KBTBD13: variants seen among roughly 807,000 people sequenced by gnomAD.
The protein encoded by KBTBD13 is kelch repeat and BTB domain containing 13, also known as kelch repeat and BTB domain-containing protein 13.
Under a neutral mutation model 25.4 loss-of-function variants are expected in KBTBD13, and 32 were observed. The ratio of observed to expected loss-of-function variants is 1.26; its 90% CI spans 0.95 to 1.69. The LOEUF (loss-of-function observed/expected upper bound fraction) is 1.69, where lower values mean the gene tolerates loss of function less well. Ranked by LOEUF, KBTBD13 falls within the 40% of genes most tolerant of loss-of-function variation. The pLI is 0.00. For missense variants in KBTBD13, 898 were observed against 679.5 expected (o/e 1.32, Z -3.57); for synonymous variants, 436 against 329.8 (o/e 1.32, Z -3.49).
At position 65,077,944 on chromosome 15, in the gene KBTBD13, G is replaced by T; in HGVS notation, c.1129G>T (p.Gly377Cys). 1 of 1,611,804 alleles carries T rather than the reference G, an allele frequency of 6.2e-7. No individual in the cohort carries two copies. The highest frequency in any genetic ancestry group is 8.5e-7 in the Non-Finnish European group (1 of 1,179,794). ...CATCGACTGTCTCAACCTGGCCACG[G>T]GCCAGTGGACGGCGCTGCCCGGCCA... is the stretch of plus-strand genomic sequence containing the variant. ...CAIDCLNLAT[G>C]QWTALPGQFV... is the part of the protein sequence containing the mutation. The change falls in exon 1 of 1, where the codon GGC (glycine) becomes TGC (cysteine). Residue 377 changes from glycine to cysteine, a missense_variant. Coordinates refer to ENST00000432196, the MANE Select transcript of KBTBD13 (RefSeq NM_001101362.3).
chr15:65,076,805 G>A lies in KBTBD13; in HGVS notation c.-11G>A, dbSNP rs987034885. 2.6e-6 allele frequency: 4 copies of A among 1,513,688 alleles called. No individual in the cohort carries two copies. The highest frequency in any genetic ancestry group is 3.5e-6 in the Non-Finnish European group (4 of 1,131,880). 93.8% of individuals were successfully genotyped at this position (1,513,688 alleles called of 1,614,324 possible). On this transcript the variant is annotated 5_prime_UTR_variant, in exon 1 of 1. Coordinates refer to ENST00000432196, the MANE Select transcript of KBTBD13 (RefSeq NM_001101362.3). ...AGGCCCCAGCGGCAGCCTCCGCCCG[G>A]CCAGCTCGCCATGGCACGGGGTCCA... is the stretch of plus-strand genomic sequence containing the variant.
Position 65,077,785 on chromosome 15 carries a change from G to T in KBTBD13, c.970G>T (p.Ala324Ser), listed in dbSNP as rs1216341966. ...CGACACCACCGCCGTGGTGGAGTAC[G>T]CAGTGCGGACCGACGCGTGGCTGCC... Reference protein sequence around the residue: ...PADTTAVVEYAVRTDAWLPVA... With the variant: ...PADTTAVVEYSVRTDAWLPVA... Residue 324 changes from alanine (A) to serine (S), a missense_variant, in exon 1 of 1, where the codon GCA (alanine) becomes TCA (serine). Coordinates refer to ENST00000432196, the MANE Select transcript of KBTBD13 (RefSeq NM_001101362.3). 6.3e-7 allele frequency: 1 copy of T among 1,588,520 alleles called. No homozygotes were observed.
chr15:65,078,064 G>T lies in KBTBD13; in HGVS notation c.1249G>T (p.Glu417Ter). The change falls in exon 1 of 1, where the codon GAG (glutamate) becomes TAG (stop). Residue 417 changes from glutamate to a stop codon, truncating the protein, a stop_gained. Transcript: ENST00000432196. LOFTEE classifies it high-confidence loss of function. ...NRMFTLLYAI[E>*]GGTWRLLREK... is the part of the protein sequence containing the mutation. ...CATGTTCACGCTGCTCTACGCCATC[G>T]AGGGCGGCACCTGGCGGCTGCTCAG... The T allele has an allele frequency of 6.2e-7, 1 of 1,600,328 alleles. No individual in the cohort carries two copies. Among genetic ancestry groups the T allele is most frequent in the Non-Finnish European group, 8.5e-7 (1 of 1,178,844 alleles).
Position 65,077,361 on chromosome 15 carries a change from G to A in KBTBD13, c.546G>A (p.Glu182=), listed in dbSNP as rs1336998638. The change falls in exon 1 of 1, where the codon GAG becomes GAA. Residue 182 remains glutamate (E), a synonymous_variant. Coordinates refer to ENST00000432196, the MANE Select transcript of KBTBD13 (RefSeq NM_001101362.3). ...DASRTLCYLD[E]EEDAWRTLAA... Reference sequence around the variant, plus strand: ...CGCGCACGCTGTGTTACCTGGACGAGGAAGAGGACGCGTGGCGCACGCTGG... The same window carrying A: ...CGCGCACGCTGTGTTACCTGGACGAAGAAGAGGACGCGTGGCGCACGCTGG... 2 of 1,502,072 alleles carry A rather than the reference G, an allele frequency of 1.3e-6. No individual in the cohort carries two copies. The highest frequency in any genetic ancestry group is 2.1e-5 in the Admixed American group (1 of 47,828). 93.0% of individuals were successfully genotyped at this position (1,502,072 alleles called of 1,614,324 possible).
In KBTBD13 at chr15:65,077,600, C is replaced by T. The variant is rs1345583118; in HGVS notation, c.785C>T (p.Ala262Val). Residue 262 changes from alanine (A) to valine (V), a missense_variant, in exon 1 of 1, where the codon GCC (alanine) becomes GTC (valine). By Grantham distance (64) the Ala-to-Val change is moderately conservative (BLOSUM62 0). Coordinates refer to ENST00000432196, the MANE Select transcript of KBTBD13 (RefSeq NM_001101362.3). ...GCCGGCTTCGACGGCCGCCTCTACG[C>T]CATCGGCGGCGAATTCCAGAGGACG... is the stretch of plus-strand genomic sequence containing the variant. Reference protein sequence around the residue: ...ALAGFDGRLYAIGGEFQRTPI... With the variant: ...ALAGFDGRLYVIGGEFQRTPI... 1 of 1,576,496 alleles carries T rather than the reference C, an allele frequency of 6.3e-7. No homozygotes were observed. Among genetic ancestry groups the T allele is most frequent in the African/African-American group, 1.3e-5 (1 of 74,186 alleles).
rs1055728120 is a variant in KBTBD13 at position 65,079,908 on chromosome 15, A to G, written c.*1716A>G. Among the ~76,000 whole-genome samples, 1 of 152,178 alleles carries G rather than the reference A, an allele frequency of 6.6e-6. No individual in the cohort carries two copies. Among genetic ancestry groups the G allele is most frequent in the Non-Finnish European group, 1.5e-5 (1 of 68,032 alleles). On this transcript the variant is annotated 3_prime_UTR_variant, in exon 1 of 1. Coordinates refer to ENST00000432196, the MANE Select transcript of KBTBD13 (RefSeq NM_001101362.3). Reference sequence around the variant, plus strand: ...TCCAGCCCTGGAGTAGCCTAGTCTGATAAGTCTCAACAATAAACCCTGACT... The same window carrying G: ...TCCAGCCCTGGAGTAGCCTAGTCTGGTAAGTCTCAACAATAAACCCTGACT...
At position 65,076,934 on chromosome 15, in the gene KBTBD13, T is replaced by A; in HGVS notation, c.119T>A (p.Met40Lys). Reference protein sequence around the residue: ...GFFRGLFRSGMRETRAAEVRL... With the variant: ...GFFRGLFRSGKRETRAAEVRL... Reference sequence around the variant, plus strand: ...TTCCGAGGCCTCTTCCGCTCCGGCATGCGGGAGACCCGCGCAGCAGAGGTG... The same window carrying A: ...TTCCGAGGCCTCTTCCGCTCCGGCAAGCGGGAGACCCGCGCAGCAGAGGTG... The change falls in exon 1 of 1, where the codon ATG (methionine) becomes AAG (lysine). Residue 40 changes from methionine to lysine, a missense_variant. Transcript: ENST00000432196. The A allele has an allele frequency of 6.4e-7, 1 of 1,557,276 alleles. No individual in the cohort carries two copies. The highest frequency in any genetic ancestry group is 8.6e-7 in the Non-Finnish European group (1 of 1,159,130).
In KBTBD13 at chr15:65,077,716, G is replaced by T. The variant is rs540070816; in HGVS notation, c.901G>T (p.Ala301Ser). The change falls in exon 1 of 1, where the codon GCC becomes TCC. Residue 301 changes from alanine to serine, a missense_variant. Physicochemically the swap from Ala to Ser is moderately conservative, Grantham distance 99 (BLOSUM62 1). Coordinates refer to ENST00000432196, the MANE Select transcript of KBTBD13 (RefSeq NM_001101362.3). ...GCAGCCGGCCGCCGGCGTGCCCTGC[G>T]CCCAGGCTTGTGGCCGTCTCTTCGT... Reference protein sequence around the residue: ...LPQPAAGVPCAQACGRLFVCL... With the variant: ...LPQPAAGVPCSQACGRLFVCL... The T allele has an allele frequency of 1.3e-6, 2 of 1,585,644 alleles. No individual in the cohort carries two copies. The highest frequency in any genetic ancestry group is 1.7e-6 in the Non-Finnish European group (2 of 1,171,016).
chr15:65,077,142 G>T lies in KBTBD13; in HGVS notation c.327G>T (p.Leu109=). Reference sequence around the variant, plus strand: ...TCACGTCGGACAACTGCGCATTGCTGTGCGACGCGGCCGCCGCCTTCGGCC... The same window carrying T: ...TCACGTCGGACAACTGCGCATTGCTTTGCGACGCGGCCGCCGCCTTCGGCC... ...HNLTSDNCAL[L]CDAAAAFGLR... is the part of the protein sequence containing the mutation. The change falls in exon 1 of 1, where the codon CTG becomes CTT. Residue 109 remains leucine, a synonymous_variant. Transcript: ENST00000432196. 6.6e-7 allele frequency: 1 copy of T among 1,515,642 alleles called. No homozygotes were observed. 93.9% of individuals were successfully genotyped at this position (1,515,642 alleles called of 1,614,324 possible).
Position 65,077,081 on chromosome 15 carries a change from A to G in KBTBD13, c.266A>G (p.Gln89Arg), listed in dbSNP as rs1460367454. The change falls in exon 1 of 1, where the codon CAG becomes CGG. Residue 89 changes from glutamine (Q) to arginine (R), a missense_variant. Transcript: ENST00000432196. ...GCCGTGGAGTGCGCCGCCTTCCTCC[A>G]GGCGCCGGCGCTGGCTCGCTTTCTG... The part of the protein sequence containing the change: ...LQAVECAAFL[Q>R]APALARFLEH... 2.6e-5 allele frequency: 40 copies of G among 1,515,474 alleles called. No homozygotes were observed. The highest frequency in any genetic ancestry group is 3.4e-5 in the Non-Finnish European group (38 of 1,134,024). The allele number at this position is 1,515,474 out of a possible 1,614,324, so 93.9% of individuals were successfully genotyped here.
In KBTBD13 at chr15:65,076,788, G is replaced by T; in HGVS notation, c.-28G>T. ...GGTGGCTGGCTAACCCAAGGCCCCA[G>T]CGGCAGCCTCCGCCCGGCCAGCTCG... On this transcript the variant is annotated 5_prime_UTR_variant, in exon 1 of 1. Coordinates refer to ENST00000432196, the MANE Select transcript of KBTBD13 (RefSeq NM_001101362.3). 6.7e-7 allele frequency: 1 copy of T among 1,493,346 alleles called. No homozygotes were observed. Among genetic ancestry groups the T allele is most frequent in the Non-Finnish European group, 8.9e-7 (1 of 1,122,116 alleles). 92.5% of individuals were successfully genotyped at this position (1,493,346 alleles called of 1,614,324 possible). A position where few individuals can be genotyped will look rare whatever the true frequency, so the allele number is the denominator to read the frequency against.
Position 65,077,026 on chromosome 15 carries a change from G to C in KBTBD13, c.211G>C (p.Ala71Pro). Residue 71 changes from alanine (A) to proline (P), a missense_variant, in exon 1 of 1, where the codon GCG (alanine) becomes CCG (proline). Coordinates refer to ENST00000432196, the MANE Select transcript of KBTBD13 (RefSeq NM_001101362.3). Reference sequence around the variant, plus strand: ...GCAGGTGCTGCGCGGCGACCGGCCGGCGCTGGCGGCGGAGGACGAGCTGCT... The same window carrying C: ...GCAGGTGCTGCGCGGCGACCGGCCGCCGCTGGCGGCGGAGGACGAGCTGCT... ...TLQVLRGDRP[A>P]LAAEDELLQA... 1 of 1,498,798 alleles carries C rather than the reference G, an allele frequency of 6.7e-7. No individual in the cohort carries two copies. Among genetic ancestry groups the C allele is most frequent in the Non-Finnish European group, 8.9e-7 (1 of 1,127,048 alleles). 92.8% of individuals were successfully genotyped at this position (1,498,798 alleles called of 1,614,324 possible).
rs2087021913 is a variant in KBTBD13, at chr15:65,079,848, C to T, written c.*1656C>T. Among the ~76,000 whole-genome samples the T allele has an allele frequency of 6.6e-6, 1 of 152,256 alleles. No homozygotes were observed. The highest frequency in any genetic ancestry group is 2.4e-5 in the African/African-American group (1 of 41,474). On this transcript the variant is annotated 3_prime_UTR_variant, in exon 1 of 1. Coordinates refer to ENST00000432196, the MANE Select transcript of KBTBD13 (RefSeq NM_001101362.3). ...CCTCTTCTCCTGGCCTATGTCCCAA[C>T]CCTGGAGAATGCTGCCCTCAGAAGC...
Position 65,078,158 on chromosome 15 carries a change from C to T in KBTBD13, c.1343C>T (p.Pro448Leu), listed in dbSNP as rs1342304692. 1 of 1,544,970 alleles carries T rather than the reference C, an allele frequency of 6.5e-7. No homozygotes were observed. Among genetic ancestry groups the T allele is most frequent in the Non-Finnish European group, 8.7e-7 (1 of 1,150,372 alleles). ...CTCCTAAGGCTGCCTCCTGGCGCTC[C>T]TGGGCCTGTGACTTCGACAACGGCA... ...TFLLRLPPGA[P>L]GPVTSTTAEL is the part of the protein sequence containing the mutation. The change falls in exon 1 of 1, where the codon CCT (proline) becomes CTT (leucine). Residue 448 changes from proline to leucine, a missense_variant. Coordinates refer to ENST00000432196, the MANE Select transcript of KBTBD13 (RefSeq NM_001101362.3).
At position 65,077,042 on chromosome 15, in the gene KBTBD13, A is replaced by T. The variant is rs1566959729; in HGVS notation, c.227A>T (p.Asp76Val). ...RGDRPALAAEDELLQAVECAA... is the reference protein window; with the variant it reads ...RGDRPALAAEVELLQAVECAA... Reference sequence around the variant, plus strand: ...GACCGGCCGGCGCTGGCGGCGGAGGACGAGCTGCTGCAGGCCGTGGAGTGC... The same window carrying T: ...GACCGGCCGGCGCTGGCGGCGGAGGTCGAGCTGCTGCAGGCCGTGGAGTGC... Residue 76 changes from aspartate to valine, a missense_variant, in exon 1 of 1, where the codon GAC (aspartate) becomes GTC (valine). By Grantham distance (152) the Asp-to-Val change is radical. Transcript: ENST00000432196. 1 of 1,502,030 alleles carries T rather than the reference A, an allele frequency of 6.7e-7. No homozygotes were observed. The highest frequency in any genetic ancestry group is 2.5e-5 in the East Asian group (1 of 39,344). The allele number at this position is 1,502,030 out of a possible 1,614,324, so 93.0% of individuals were successfully genotyped here. A position where few individuals can be genotyped will look rare whatever the true frequency, so the allele number is the denominator to read the frequency against.
rs777431652 is a variant in KBTBD13, at chr15:65,077,043, C to G, written c.228C>G (p.Asp76Glu). The change falls in exon 1 of 1, where the codon GAC (aspartate) becomes GAG (glutamate). Residue 76 changes from aspartate (D) to glutamate (E), a missense_variant. Physicochemically the swap from Asp to Glu is conservative, Grantham distance 45 (BLOSUM62 2). Coordinates refer to ENST00000432196, the MANE Select transcript of KBTBD13 (RefSeq NM_001101362.3). ...RGDRPALAAE[D>E]ELLQAVECAA... is the part of the protein sequence containing the mutation. ...ACCGGCCGGCGCTGGCGGCGGAGGA[C>G]GAGCTGCTGCAGGCCGTGGAGTGCG... 1.2e-4 allele frequency: 181 copies of G among 1,501,794 alleles called. 1 individual carries two copies. The East Asian group carries it at 3.0e-3, about 25-fold the overall frequency. 93.0% of individuals were successfully genotyped at this position (1,501,794 alleles called of 1,614,324 possible).
In KBTBD13 at chr15:65,078,187, C is replaced by T. The variant is rs959915743; in HGVS notation, c.1372C>T (p.Leu458=). ...GCCTGTGACTTCGACAACGGCAGAA[C>T]TGTGACCTCTGGGCTGGCTTTAGGA... ...PGPVTSTTAE[L] is the part of the protein sequence containing the mutation. Residue 458 remains leucine, a synonymous_variant, in exon 1 of 1, where the codon CTG becomes TTG. Transcript: ENST00000432196. The T allele has an allele frequency of 2.5e-5, 38 of 1,538,664 alleles. No individual in the cohort carries two copies. The African/African-American group carries it at 4.8e-4, about 19-fold the overall frequency.
chr15:65,077,526 G>A lies in KBTBD13; in HGVS notation c.711G>A (p.Thr237=), dbSNP rs772976673. The change falls in exon 1 of 1, where the codon ACG becomes ACA. Residue 237 remains threonine (T), a synonymous_variant. Coordinates refer to ENST00000432196, the MANE Select transcript of KBTBD13 (RefSeq NM_001101362.3). ...TCTGCTACGACCCCGACGGCGGCAC[G>A]TGGCACGAGTTCCCCAGCCCGCACC... The part of the protein sequence containing the change: ...LGFCYDPDGG[T]WHEFPSPHQP... 1.3e-6 allele frequency: 2 copies of A among 1,527,396 alleles called. No homozygotes were observed. Among genetic ancestry groups the A allele is most frequent in the Non-Finnish European group, 8.8e-7 (1 of 1,138,414 alleles). The allele number at this position is 1,527,396 out of a possible 1,614,324, so 94.6% of individuals were successfully genotyped here. A position where few individuals can be genotyped will look rare whatever the true frequency, so the allele number is the denominator to read the frequency against.
rs1566960575 is a variant in KBTBD13 at position 65,078,029 on chromosome 15, CG to C, written c.1216del (p.Val406SerfsTer36). 6.2e-7 allele frequency: 1 copy of C among 1,604,028 alleles called. No individual in the cohort carries two copies. Among genetic ancestry groups the C allele is most frequent in the South Asian group, 1.1e-5 (1 of 90,854 alleles). On this transcript the variant is annotated frameshift_variant, in exon 1 of 1. Transcript: ENST00000432196. LOFTEE classifies it high-confidence loss of function. ...TAVVRGDTVYTVNRMFTLLYA... is the reference protein window; with the variant it reads ...TAVVRGDTVYXVNRMFTLLYA... ...GTGGTGCGCGGTGACACCGTCTATACGGTCAACCGCATGTTCACGCTGCTCT... is the reference window on the plus strand; with the variant it reads ...GTGGTGCGCGGTGACACCGTCTATACGTCAACCGCATGTTCACGCTGCTCT...
Sources: allele counts gnomAD v4.1 joint callset (sites outside exome capture counted in the v4.1 genomes callset), GRCh38; gene constraint gnomAD v4.1.1; transcripts MANE v1.5; gene names NCBI Gene and HGNC (gene_info 2026-07-23, HGNC 2026-07-21).